Variants in AK5 observed in about 807,000 individuals in gnomAD.
AK5 encodes the protein adenylate kinase isoenzyme 5.
Under a neutral mutation model 69.5 loss-of-function variants are expected in AK5, and 27 were observed. The ratio of observed to expected loss-of-function variants is 0.39; its 90% CI spans 0.29 to 0.54. The LOEUF (loss-of-function observed/expected upper bound fraction) is 0.54, where lower values mean the gene tolerates loss of function less well. Ranked by LOEUF, AK5 falls within the 20% of genes least tolerant of loss-of-function variation. The pLI is 0.71. For synonymous variants in AK5, 260 were observed against 244.4 expected (o/e 1.06, Z -0.60); for missense variants, 531 against 700.4 (o/e 0.76, Z 2.73).
At chr1:77,453,633 G>A (rs1407062181) in intron 8 of AK5, among the ~76,000 whole-genome samples, 1 of 152,162 alleles carries the variant, frequency 6.6e-6, no homozygotes, top group Non-Finnish European at 1.5e-5. Flanking sequence ...TAAACAGCAG[G>A]GGAGAAAGTG....
At chr1:77,305,568 CCCAGAA>C (rs1659589333) in intron 5 of AK5, among the ~76,000 whole-genome samples, 1 of 152,102 alleles carries the variant, frequency 6.6e-6, no homozygotes, top group Non-Finnish European at 1.5e-5. Flanking sequence ...ATCCAGTTTT[CCCAGAA>C]CCATTTATTA....
At chr1:77,441,127 T>C (rs1652300347) in intron 8 of AK5, among the ~76,000 whole-genome samples, 1 of 152,198 alleles carries the variant, frequency 6.6e-6, no homozygotes, top group South Asian at 2.1e-4. Context: ...TTGAATTCTT[T>C]AGCTGCGGGA....
intron 10 of AK5, among the ~76,000 whole-genome samples, chr1:77,489,496 G>A (rs140040673): frequency 7.2e-4 from 110 of 152,280 alleles, no homozygotes; most frequent in African/African-American, 2.6e-3. Context: ...CTGCTTTATT[G>A]TAAGTCAATT....
At chr1:77,378,551 C>A (rs1002327679) in intron 6 of AK5, among the ~76,000 whole-genome samples, 2 of 152,194 alleles carry the variant, frequency 1.3e-5, no homozygotes, top group Non-Finnish European at 2.9e-5. Flanking sequence ...AAATTCCTGA[C>A]CTCAAGTGAT....
chr1:77,456,023 G>A (rs57754896), intron 8 of AK5, among the ~76,000 whole-genome samples: 6,942 of 152,232 alleles, frequency 0.046, 403 homozygotes, highest in East Asian at 0.19. Context: ...ATTCATGAAA[G>A]TAACCCATAA....
intron 12 of AK5, among the ~76,000 whole-genome samples, chr1:77,529,334 GTTT>G (rs935476152): frequency 7.2e-6 from 1 of 138,016 alleles, no homozygotes. Context: ...CGTTTTATAG[GTTT>G]TTTTTTTTTT....
chr1:77,382,955 T>A (rs1330188747), intron 6 of AK5, among the ~76,000 whole-genome samples: 2 of 152,152 alleles, frequency 1.3e-5, no homozygotes, highest in East Asian at 3.8e-4. Context: ...CTTATGGTCC[T>A]AAATAAAAGA....
chr1:77,344,254 C>T (rs985403498), intron 6 of AK5, among the ~76,000 whole-genome samples: 36 of 152,066 alleles, frequency 2.4e-4, no homozygotes, highest in African/African-American at 7.5e-4. Flanking sequence ...CATTTTTGTT[C>T]TTGTATTATA....
chr1:77,459,562 A>G (rs74092654), intron 8 of AK5, among the ~76,000 whole-genome samples: 6,944 of 152,244 alleles, frequency 0.046, 405 homozygotes, highest in East Asian at 0.19. Flanking sequence ...CCCCATCCCT[A>G]CAGTTTCTGA....
chr1:77,303,434 A>C (rs1659453831), intron 5 of AK5, among the ~76,000 whole-genome samples: 1 of 152,244 alleles, frequency 6.6e-6, no homozygotes, highest in Non-Finnish European at 1.5e-5. Flanking sequence ...TTTTTAGAAA[A>C]GTAATCATAT....
intron 6 of AK5, among the ~76,000 whole-genome samples, chr1:77,365,700 A>G (rs756925201): frequency 2.6e-5 from 4 of 152,102 alleles, no homozygotes; most frequent in Non-Finnish European, 5.9e-5. Flanking sequence ...CTGACAGGAG[A>G]TGGAGCTCAG....
chr1:77,428,681 C>A (rs1402460081), intron 8 of AK5, among the ~76,000 whole-genome samples: 2 of 151,962 alleles, frequency 1.3e-5, no homozygotes, highest in African/African-American at 4.8e-5. Context: ...TATACATGTG[C>A]CATGTTGGTG....
chr1:77,417,878 A>G (rs762578205), intron 8 of AK5, 163 bp downstream of exon 8: 17 of 514,898 alleles, frequency 3.3e-5, no homozygotes, highest in Non-Finnish European at 5.8e-5. Context: ...GTTTTCATTC[A>G]CTAAGTTTGG....
intron 8 of AK5, among the ~76,000 whole-genome samples, chr1:77,452,621 G>A (rs545407899): frequency 5.9e-5 from 9 of 152,126 alleles, no homozygotes; most frequent in Non-Finnish European, 8.8e-5. Flanking sequence ...TAGATTAAAC[G>A]GTGCCACAAC....
intron 6 of AK5, among the ~76,000 whole-genome samples, chr1:77,382,687 C>T (rs955713879): frequency 4.6e-5 from 7 of 152,086 alleles, no homozygotes; most frequent in Non-Finnish European, 5.9e-5. Flanking sequence ...CTATTTTATC[C>T]CACCAACCAT....
chr1:77,442,068 C>T (rs569840590), intron 8 of AK5, among the ~76,000 whole-genome samples: 2 of 152,214 alleles, frequency 1.3e-5, no homozygotes, highest in Non-Finnish European at 2.9e-5. Flanking sequence ...GATATGGCTG[C>T]AATTTGGAAG....
At chr1:77,507,729 A>G (rs1409883860) in intron 10 of AK5, among the ~76,000 whole-genome samples, 3 of 152,256 alleles carry the variant, frequency 2.0e-5, no homozygotes, top group Non-Finnish European at 4.4e-5. Context: ...CGTTGTAAAT[A>G]TAAAAAGAAA....
rs534677453 is a variant in AK5 at position 77,386,386 on chromosome 1, G to A, written c.892-24595G>A. On this transcript the variant is annotated intron_variant, in intron 6 of 13. Coordinates refer to ENST00000354567, the MANE Select transcript of AK5 (RefSeq NM_174858.3). ...TAGGCTTCAGTTCATGGAGAAGGGG[G>A]CTAGAGCTGAGTGTTTAAAAGAACC... 1.1e-3 allele frequency among the ~76,000 whole-genome samples: 164 copies of A among 152,162 alleles called. 3 individuals carry two copies. The highest frequency in any genetic ancestry group is 3.4e-4 in the Non-Finnish European group (23 of 68,030).
At chr1:77,551,374 C>T (rs1387336158) in intron 13 of AK5, among the ~76,000 whole-genome samples, 1 of 152,102 alleles carries the variant, frequency 6.6e-6, no homozygotes, top group African/African-American at 2.4e-5. Context: ...CTGCTTTTCC[C>T]ATCTAGAAAG....
Sources: allele counts gnomAD v4.1 joint callset (sites outside exome capture counted in the v4.1 genomes callset), GRCh38; gene constraint gnomAD v4.1.1; transcripts MANE v1.5; gene names NCBI Gene and HGNC (gene_info 2026-07-23, HGNC 2026-07-21).